The following SPHKAP variants were observed in gnomAD, a reference collection of about 807,000 sequenced individuals.
The protein encoded by SPHKAP is A-kinase anchor protein SPHKAP.
In SPHKAP, 67 loss-of-function variants were observed where a neutral mutation model predicts 137.5. The ratio of observed to expected loss-of-function variants is 0.49; its 90% CI spans 0.40 to 0.60. The LOEUF (loss-of-function observed/expected upper bound fraction) is 0.60. SPHKAP is among the 20% of genes least tolerant of loss of function. SPHKAP has a pLI of 0.00. For missense variants in SPHKAP, 2,097 were observed against 2,069.3 expected, an observed-to-expected ratio of 1.01 and a Z score of -0.26; for synonymous variants, 813 against 785.3, an observed-to-expected ratio of 1.04 and a Z score of -0.59.
intron 3 of SPHKAP, among the ~76,000 whole-genome samples, chr2:228,060,118 A>G (rs1292447185): frequency 6.6e-6 from 1 of 152,176 alleles, no homozygotes; most frequent in Admixed American, 6.5e-5. Flanking sequence ...TGGCTTCCCT[A>G]TGAAAAAGGG....
chr2:228,139,877 A>G (rs1316077306), intron 1 of SPHKAP, among the ~76,000 whole-genome samples: 4 of 137,820 alleles, frequency 2.9e-5, no homozygotes. Flanking sequence ...CTATAGAAAT[A>G]TTTATCCCTA....
At chr2:228,041,646 C>CAA (rs58570907) in intron 3 of SPHKAP, among the ~76,000 whole-genome samples, 8 of 95,894 alleles carry the variant, frequency 8.3e-5, no homozygotes, top group South Asian at 3.4e-4. Flanking sequence ...GACTCTGTCT[C>CAA]AAAAAAAAAA....
chr2:228,113,638 T>A (rs1208586873), intron 2 of SPHKAP, among the ~76,000 whole-genome samples: 2 of 149,408 alleles, frequency 1.3e-5, no homozygotes, highest in Non-Finnish European at 3.0e-5. Context: ...TCTCTCTCTC[T>A]CTCTCTCTCT....
intron 3 of SPHKAP, among the ~76,000 whole-genome samples, chr2:228,041,891 C>T (rs1047383234): frequency 2.0e-5 from 3 of 151,916 alleles, no homozygotes; most frequent in African/African-American, 7.3e-5. Flanking sequence ...GAGCCATGTC[C>T]TGTGGGTTGT....
intron 1 of SPHKAP, among the ~76,000 whole-genome samples, chr2:228,176,617 G>C (rs913676204): frequency 6.6e-6 from 1 of 152,248 alleles, no homozygotes; most frequent in African/African-American, 2.4e-5. Flanking sequence ...GCTCACGCCT[G>C]TAATCCCAAC....
At chr2:228,151,486 T>C (rs1699928722) in intron 1 of SPHKAP, among the ~76,000 whole-genome samples, 1 of 152,178 alleles carries the variant, frequency 6.6e-6, no homozygotes, top group African/African-American at 2.4e-5. Flanking sequence ...TTTCTAGCTC[T>C]AGATCCCTGA....
intron 1 of SPHKAP, among the ~76,000 whole-genome samples, chr2:228,154,481 A>ACTCTCTCTCTCTCTCTCT (rs371642332): frequency 2.1e-5 from 1 of 47,210 alleles, no homozygotes; most frequent in African/African-American, 8.9e-5. Context: ...TTGTAAATAA[A>ACTCTCTCTCTCTCTCTCT]CTCTCTCTCT....
At chr2:228,031,973 G>A (rs12694764) in intron 3 of SPHKAP, among the ~76,000 whole-genome samples, 58,032 of 151,988 alleles carry the variant, frequency 0.38, 11,511 homozygotes, top group South Asian at 0.51. Flanking sequence ...AAAGCAGAGC[G>A]CCTCTCCTCC....
At chr2:228,116,948 C>G (rs7598515) in intron 2 of SPHKAP, among the ~76,000 whole-genome samples, 52,278 of 151,904 alleles carry the variant, frequency 0.34, 9,272 homozygotes, top group East Asian at 0.5. Flanking sequence ...ATCATTCCAC[C>G]TGCTCCCTGA....
chr2:228,030,513 CAAAAAAA>C (rs11287311), intron 3 of SPHKAP, among the ~76,000 whole-genome samples: 1 of 48,776 alleles, frequency 2.1e-5, no homozygotes, highest in Non-Finnish European at 4.0e-5. Context: ...GATACCATCT[CAAAAAAA>C]AAAAAAAAAA....
intron 3 of SPHKAP, among the ~76,000 whole-genome samples, chr2:228,031,947 A>G (rs563030303): frequency 5.9e-5 from 9 of 152,208 alleles, no homozygotes; most frequent in Non-Finnish European, 1.2e-4. Flanking sequence ...AACAGCAGAA[A>G]AACTGGAAAC....
chr2:228,129,348 A>C (rs1249910757), intron 2 of SPHKAP, among the ~76,000 whole-genome samples: 1 of 152,226 alleles, frequency 6.6e-6, no homozygotes, highest in Non-Finnish European at 1.5e-5. Flanking sequence ...AATGTGAAGT[A>C]GAGTAAAACA....
chr2:228,016,732 G>A lies in SPHKAP; in HGVS notation c.4122C>T (p.Asp1374=), dbSNP rs779020319. Residue 1374 remains aspartate, a synonymous_variant, in exon 7 of 12, where the codon GAC becomes GAT. Coordinates refer to ENST00000392056, the MANE Select transcript of SPHKAP (RefSeq NM_001142644.2). The part of the protein sequence containing the change: ...VQESLDCPRK[D]SVTECKQPPV... ...GGGGCTGTTTACATTCGGTAACAGA[G>A]TCTTTCCTCGGGCAATCGAGAGACT... 22 of 1,614,006 alleles carry A rather than the reference G, an allele frequency of 1.4e-5. No homozygotes were observed. In the East Asian group the frequency reaches 2.7e-4, roughly 20 times the overall value.
chr2:228,029,278 T>C (rs1337540137), intron 3 of SPHKAP, among the ~76,000 whole-genome samples: 7 of 152,250 alleles, frequency 4.6e-5, no homozygotes. Context: ...TTCAGATGCC[T>C]GCAAATATAT....
intron 2 of SPHKAP, among the ~76,000 whole-genome samples, chr2:228,112,108 CCAACTG>C (rs1698536737): frequency 6.6e-6 from 1 of 152,070 alleles, no homozygotes; most frequent in Admixed American, 6.6e-5. Flanking sequence ...TATCTTTAAG[CCAACTG>C]ATGTTATCAT....
chr2:228,037,534 G>T (rs1695669939), intron 3 of SPHKAP, among the ~76,000 whole-genome samples: 1 of 152,102 alleles, frequency 6.6e-6, no homozygotes, highest in Non-Finnish European at 1.5e-5. Flanking sequence ...CCTATATGTG[G>T]ATGGCTAGCA....
At chr2:228,154,648 A>T (rs2106404615) in intron 1 of SPHKAP, among the ~76,000 whole-genome samples, 1 of 136,478 alleles carries the variant, frequency 7.3e-6, no homozygotes, top group East Asian at 2.3e-4. Flanking sequence ...TCCCAGGTTC[A>T]CGCCATTCTC....
chr2:228,098,096 A>T (rs1698053162), intron 3 of SPHKAP, among the ~76,000 whole-genome samples: 1 of 152,138 alleles, frequency 6.6e-6, no homozygotes, highest in Non-Finnish European at 1.5e-5. Flanking sequence ...TTGCATTCCC[A>T]CCAGCAGTGT....
intron 11 of SPHKAP, chr2:227,982,082 C>G: frequency 1.0e-6 from 1 of 981,040 alleles, no homozygotes; most frequent in Non-Finnish European, 1.2e-6. Context: ...CAGCAGTTTG[C>G]CATTCATTGA....
Sources: allele counts gnomAD v4.1 joint callset (sites outside exome capture counted in the v4.1 genomes callset), GRCh38; gene constraint gnomAD v4.1.1; transcripts MANE v1.5; gene names NCBI Gene and HGNC (gene_info 2026-07-23, HGNC 2026-07-21).